Variants in NUP205 observed in about 807,000 individuals in gnomAD.
The protein encoded by NUP205 is nuclear pore complex protein Nup205.
A neutral mutation model predicts 253.8 loss-of-function variants in NUP205; 76 were observed. That is an observed-to-expected ratio of 0.30 (90% CI 0.25 to 0.36). The LOEUF (loss-of-function observed/expected upper bound fraction) is 0.36, where lower values mean the gene tolerates loss of function less well. Among genes scored for constraint, NUP205 ranks in the 10% least tolerant of loss-of-function variants. The pLI is 1.00. For synonymous variants in NUP205, 832 were observed against 850.1 expected, an observed-to-expected ratio of 0.98 and a Z score of 0.37; for missense variants, 2,162 against 2,425.5, an observed-to-expected ratio of 0.89 and a Z score of 2.28.
At chr7:135,612,100 A>G (rs1794253594) in intron 22 of NUP205, among the ~76,000 whole-genome samples, 1 of 152,188 alleles carries the variant, frequency 6.6e-6, no homozygotes, top group Non-Finnish European at 1.5e-5. Flanking sequence ...AGCCTGAGCG[A>G]CAGAATGAAA....
At chr7:135,570,770 AAT>A (rs1396407471) in intron 1 of NUP205, among the ~76,000 whole-genome samples, 40 of 78,612 alleles carry the variant, frequency 5.1e-4, no homozygotes, top group Admixed American at 1.6e-3. Flanking sequence ...ATATTATATT[AAT>A]ATATATTAAT....
intron 1 of NUP205, among the ~76,000 whole-genome samples, chr7:135,569,494 G>T (rs983229166): frequency 6.6e-6 from 1 of 151,718 alleles, no homozygotes; most frequent in South Asian, 2.1e-4. Context: ...ACAATTTACT[G>T]GTTAGGGCAC....
chr7:135,572,976 T>C (rs545677129), intron 2 of NUP205, among the ~76,000 whole-genome samples: 1 of 150,352 alleles, frequency 6.7e-6, no homozygotes, highest in East Asian at 1.9e-4. Context: ...TCTTTTTTTT[T>C]GCTTTCTTTA....
intron 22 of NUP205, among the ~76,000 whole-genome samples, chr7:135,611,648 GT>G (rs201909823): frequency 2.7e-5 from 4 of 148,054 alleles, no homozygotes; most frequent in East Asian, 2.0e-4. Flanking sequence ...GTTGTTTCCA[GT>G]TTTTTTTTTA....
chr7:135,625,237 A>T lies in NUP205; in HGVS notation c.4553A>T (p.Asn1518Ile), dbSNP rs1322450045. ...KQQQWLLYLS[N>I]SGYLKVLVDS... ...CAGCAGTGGCTTTTGTATCTTTCTA[A>T]CAGTGGCTACTTGAAGGTCCTCGTA... The change falls in exon 32 of 43, where the codon AAC (asparagine) becomes ATC (isoleucine). Residue 1518 changes from asparagine to isoleucine, a missense_variant. Physicochemically the swap from Asn to Ile is moderately radical, Grantham distance 149 (BLOSUM62 -3). This residue lies in a region of NUP205 where 1,144 missense variants were observed against 1,280.9 expected (regional missense o/e 0.89). Coordinates refer to ENST00000285968, the MANE Select transcript of NUP205 (RefSeq NM_015135.3). 1.2e-6 allele frequency: 2 copies of T among 1,614,106 alleles called. No individual in the cohort carries two copies. The highest frequency in any genetic ancestry group is 1.1e-5 in the South Asian group (1 of 91,066).
At chr7:135,645,413 G>A (rs1432053942) in intron 40 of NUP205, 55 bp from the exon 41 acceptor site, 1 of 1,567,250 alleles carries the variant, frequency 6.4e-7, no homozygotes, top group East Asian at 2.2e-5. Flanking sequence ...TCCGAAACTG[G>A]TGTGTAAAAC....
At chr7:135,558,393 T>A (rs1805491441) in intron 1 of NUP205, among the ~76,000 whole-genome samples, 1 of 152,154 alleles carries the variant, frequency 6.6e-6, no homozygotes, top group Non-Finnish European at 1.5e-5. Context: ...GAGTTCCTTA[T>A]AGGGTGGGAG....
chr7:135,562,024 TCTC>T (rs1805597064), intron 1 of NUP205, among the ~76,000 whole-genome samples: 1 of 151,602 alleles, frequency 6.6e-6, no homozygotes, highest in Non-Finnish European at 1.5e-5. Context: ...TTTAAATGAT[TCTC>T]CTGCCTCAGC....
intron 1 of NUP205, among the ~76,000 whole-genome samples, chr7:135,562,570 A>G (rs113285633): frequency 6.7e-5 from 7 of 104,770 alleles, no homozygotes; most frequent in Non-Finnish European, 1.2e-4. Context: ...TTTTTTTGAG[A>G]CAGAGTCTGG....
At chr7:135,574,784 AAG>A (rs745422293) in intron 3 of NUP205, among the ~76,000 whole-genome samples, 34 of 152,340 alleles carry the variant, frequency 2.2e-4, no homozygotes, top group African/African-American at 5.1e-4. Flanking sequence ...GTGTAGAGAA[AAG>A]AGAGAAAAAT....
intron 1 of NUP205, among the ~76,000 whole-genome samples, chr7:135,562,841 G>A (rs1433639461): frequency 6.6e-6 from 1 of 152,144 alleles, no homozygotes; most frequent in Non-Finnish European, 1.5e-5. Context: ...ACCACACTCG[G>A]TCATCAAAAT....
intron 10 of NUP205, among the ~76,000 whole-genome samples, chr7:135,590,540 CCTT>C (rs1359925726): frequency 1.4e-5 from 2 of 145,390 alleles, no homozygotes; most frequent in South Asian, 2.2e-4. Context: ...CATCATAAAA[CCTT>C]TTTTTTTTTT....
rs1794446275 is a variant in NUP205 at position 135,620,169 on chromosome 7, G to A, written c.4330+281G>A. 1.3e-5 allele frequency among the ~76,000 whole-genome samples: 2 copies of A among 152,166 alleles called. 1 individual carries two copies. The highest frequency in any genetic ancestry group is 1.3e-4 in the Admixed American group (2 of 15,276). ...TGCCTCAAGTCCGACTGAACAGTGTGCTCTACATAGAATGGTCCAATGTCT... is the reference window on the plus strand; with the variant it reads ...TGCCTCAAGTCCGACTGAACAGTGTACTCTACATAGAATGGTCCAATGTCT... On this transcript the variant is annotated intron_variant, in intron 30 of 42. Transcript: ENST00000285968.
At chr7:135,578,286 A>G (rs954105080) in intron 6 of NUP205, among the ~76,000 whole-genome samples, 19 of 152,310 alleles carry the variant, frequency 1.2e-4, no homozygotes, top group Middle Eastern at 3.4e-3. Context: ...GCACATGCCT[A>G]ATTTACTTAA....
Position 135,593,070 on chromosome 7 carries a change from C to A in NUP205, c.1708C>A (p.Arg570=). 1 of 1,613,938 alleles carries A rather than the reference C, an allele frequency of 6.2e-7. No homozygotes were observed. The highest frequency in any genetic ancestry group is 2.2e-5 in the East Asian group (1 of 44,876). The change falls in exon 12 of 43, where the codon CGG becomes AGG. Residue 570 remains arginine, a synonymous_variant. Transcript: ENST00000285968. ...CTTGATGCTTTACCACGAACACCTT[C>A]GGAAGGATCTTCCAAGTGCAGATAG... ...HSLMLYHEHL[R]KDLPSADSVQ...
At chr7:135,634,520 A>C (rs760592848) in intron 35 of NUP205, among the ~76,000 whole-genome samples, 48 of 152,330 alleles carry the variant, frequency 3.2e-4, no homozygotes, top group East Asian at 1.7e-3. Flanking sequence ...AGAATTATGA[A>C]TACAAGCAGC....
At chr7:135,615,168 AATTATT>A (rs1393212721) in intron 23 of NUP205, among the ~76,000 whole-genome samples, 8 of 152,160 alleles carry the variant, frequency 5.3e-5, no homozygotes, top group African/African-American at 1.9e-4. Flanking sequence ...CTTTGCCTGA[AATTATT>A]ATTAGTATTG....
At chr7:135,587,323 C>T (rs2129490136) in intron 8 of NUP205, among the ~76,000 whole-genome samples, 1 of 152,116 alleles carries the variant, frequency 6.6e-6, no homozygotes, top group African/African-American at 2.4e-5. Flanking sequence ...AATGTCCCCA[C>T]TGAGAAATAC....
intron 3 of NUP205, among the ~76,000 whole-genome samples, chr7:135,575,847 T>G (rs1806135927): frequency 6.6e-6 from 1 of 152,132 alleles, no homozygotes; most frequent in Non-Finnish European, 1.5e-5. Context: ...TGAACTTGAA[T>G]TATAAAAAGG....
Sources: gnomAD v4.1 joint callset for allele counts (sites outside exome capture counted in the v4.1 genomes callset) on GRCh38, gnomAD v4.1.1 for gene constraint, gnomAD v4.1.1 regional missense constraint, MANE v1.5 for transcripts, NCBI Gene and HGNC (gene_info 2026-07-23, HGNC 2026-07-21) for gene names.